Variants in PIEZO2 observed in about 807,000 individuals in gnomAD.
The protein encoded by PIEZO2 is piezo-type mechanosensitive ion channel component 2.
A neutral mutation model predicts 337.3 loss-of-function variants in PIEZO2; 172 were observed. That is an observed-to-expected ratio of 0.51 (90% CI 0.45 to 0.58). The LOEUF is 0.58. Among genes scored for constraint, PIEZO2 ranks in the 20% least tolerant of loss-of-function variants. The pLI, the probability that PIEZO2 is intolerant of heterozygous loss-of-function variation, is 0.00. For missense variants in PIEZO2, 3,028 were observed against 3,391.3 expected (o/e 0.89, Z 2.66); for synonymous variants, 1,251 against 1,228.5 (o/e 1.02, Z -0.38).
Position 10,725,088 on chromosome 18 carries a change from G to C in PIEZO2, c.5029+6319C>G. ...ACCGTGAGGGAGACAAGTTCTTTCA[G>C]TCGCATTACACCTACAATCCACAGT... On this transcript the variant is annotated intron_variant, in intron 36 of 55. Transcript: ENST00000674853. 2.0e-6 allele frequency: 3 copies of C among 1,506,104 alleles called. No individual in the cohort carries two copies. In the South Asian group the frequency reaches 3.4e-5, roughly 17 times the overall value. The allele number at this position is 1,506,104 out of a possible 1,614,324, so 93.3% of individuals were successfully genotyped here.
intron 54 of PIEZO2, among the ~76,000 whole-genome samples, chr18:10,674,066 A>T (rs747223400): frequency 1.3e-5 from 2 of 152,218 alleles, no homozygotes; most frequent in Non-Finnish European, 2.9e-5. Context: ...TTGACAAAAA[A>T]TGTCTATGGC....
At position 10,758,016 on chromosome 18, in the gene PIEZO2, C is replaced by G; in HGVS notation, c.3876G>C (p.Ala1292=). Residue 1292 remains alanine (A), a synonymous_variant, in exon 27 of 56, where the codon GCG becomes GCC. Coordinates refer to ENST00000674853, the MANE Select transcript of PIEZO2 (RefSeq NM_001378183.1). ...CAGGGTTATGTTGGCTGAAGGAGGC[C>G]GCATCAAGGTTCATGCAGATCTCGA... is the stretch of plus-strand genomic sequence containing the variant. ...DNVEICMNLD[A]ASFSQHNPVP... is the part of the protein sequence containing the mutation. 1 of 1,536,918 alleles carries G rather than the reference C, an allele frequency of 6.5e-7. No individual in the cohort carries two copies. The highest frequency in any genetic ancestry group is 8.7e-7 in the Non-Finnish European group (1 of 1,146,706).
At chr18:10,873,424 G>A (rs138163317) in intron 4 of PIEZO2, among the ~76,000 whole-genome samples, 193 of 152,174 alleles carry the variant, frequency 1.3e-3, no homozygotes, top group African/African-American at 4.3e-3. Context: ...GCTTTCAACC[G>A]CTTTCCCATG....
intron 1 of PIEZO2, among the ~76,000 whole-genome samples, chr18:11,088,256 A>G (rs2038969142): frequency 6.6e-6 from 1 of 152,242 alleles, no homozygotes; most frequent in African/African-American, 2.4e-5. Context: ...ACCAAGTCTC[A>G]GTAAGCAGAG....
chr18:11,030,038 G>T (rs957507860), intron 2 of PIEZO2, among the ~76,000 whole-genome samples: 1 of 152,088 alleles, frequency 6.6e-6, no homozygotes, highest in Admixed American at 6.5e-5. Flanking sequence ...AGTAATATAA[G>T]AAGGCAGTAC....
chr18:10,782,567 T>A (rs978553090), intron 17 of PIEZO2, among the ~76,000 whole-genome samples: 2 of 142,736 alleles, frequency 1.4e-5, no homozygotes, highest in African/African-American at 5.3e-5. Flanking sequence ...AAAAATGAAA[T>A]CCTATGTCCT....
At chr18:11,055,454 G>A (rs1255823138) in intron 2 of PIEZO2, among the ~76,000 whole-genome samples, 1 of 152,140 alleles carries the variant, frequency 6.6e-6, no homozygotes, top group African/African-American at 2.4e-5. Flanking sequence ...TTAAGGGGGT[G>A]AGGGAAGAGG....
chr18:10,832,732 G>T (rs925376053), intron 7 of PIEZO2, among the ~76,000 whole-genome samples: 1 of 152,150 alleles, frequency 6.6e-6, no homozygotes, highest in Non-Finnish European at 1.5e-5. Context: ...GGCTCCACCC[G>T]CCCAGGATTA....
intron 20 of PIEZO2, among the ~76,000 whole-genome samples, chr18:10,772,320 C>T (rs928987293): frequency 1.3e-5 from 2 of 152,174 alleles, no homozygotes; most frequent in Non-Finnish European, 2.9e-5. Context: ...AGACGTGTAG[C>T]TGCCACAGAC....
chr18:10,983,133 A>G (rs2034734149), intron 2 of PIEZO2, among the ~76,000 whole-genome samples: 1 of 152,214 alleles, frequency 6.6e-6, no homozygotes. Flanking sequence ...TATTAACTTG[A>G]TAAATGTCAA....
Position 10,856,814 on chromosome 18 carries a change from C to G in PIEZO2, c.703+187G>C, listed in dbSNP as rs2041717421. 1.3e-5 allele frequency among the ~76,000 whole-genome samples: 2 copies of G among 151,588 alleles called. No individual in the cohort carries two copies. Among genetic ancestry groups the G allele is most frequent in the Admixed American group, 1.3e-4 (2 of 15,202 alleles). On this transcript the variant is annotated intron_variant, in intron 6 of 55. Transcript: ENST00000674853. The surrounding 1 kb of genome is among the most constrained non-coding windows in gnomAD (Gnocchi z 4.7). ...CAGAAACCATCTAAAAACATCAAAA[C>G]TAGAACTAACCCGGAAAAATTATTT...
rs150621251 is a variant in PIEZO2 at position 10,757,337 on chromosome 18, T to C, written c.3923+632A>G. 5.6e-5 allele frequency among the ~76,000 whole-genome samples: 7 copies of C among 125,374 alleles called. No individual in the cohort carries two copies. In the East Asian group the frequency reaches 1.7e-3, roughly 30 times the overall value. 82.3% of individuals were successfully genotyped at this position (125,374 alleles called of 152,430 possible). A position where few individuals can be genotyped will look rare whatever the true frequency, so the allele number is the denominator to read the frequency against. On this transcript the variant is annotated intron_variant, in intron 27 of 55. Transcript: ENST00000674853. ...AAGGATGAGTGGGAGGGATGGAGGA[T>C]GAGAAGAGGAATGGAGGGTGATGAG...
intron 5 of PIEZO2, among the ~76,000 whole-genome samples, chr18:10,857,790 G>A (rs1262781852): frequency 1.3e-5 from 2 of 152,106 alleles, no homozygotes; most frequent in African/African-American, 4.8e-5. Flanking sequence ...TTCAAGCCTC[G>A]GCAGCTCAGC....
chr18:10,996,990 TA>T (rs1397366251), intron 2 of PIEZO2, among the ~76,000 whole-genome samples: 5 of 152,170 alleles, frequency 3.3e-5, no homozygotes, highest in African/African-American at 4.8e-5. Flanking sequence ...AATTATCATC[TA>T]ATTTGTTATA....
At chr18:11,079,190 C>T (rs916822230) in intron 1 of PIEZO2, among the ~76,000 whole-genome samples, 1 of 152,170 alleles carries the variant, frequency 6.6e-6, no homozygotes, top group Non-Finnish European at 1.5e-5. Context: ...CCCATCGTTC[C>T]ACCATATATT....
At chr18:10,921,278 A>ACAGACTTCT (rs1312244074) in intron 3 of PIEZO2, among the ~76,000 whole-genome samples, 2 of 152,108 alleles carry the variant, frequency 1.3e-5, no homozygotes, top group Non-Finnish European at 2.9e-5. Flanking sequence ...GACAATGAGG[A>ACAGACTTCT]CAGACTTCTC....
intron 2 of PIEZO2, among the ~76,000 whole-genome samples, chr18:11,024,189 A>G (rs893819500): frequency 1.3e-5 from 2 of 152,236 alleles, no homozygotes; most frequent in African/African-American, 4.8e-5. Flanking sequence ...GCACACTGTC[A>G]CCTCTCACTA....
chr18:10,813,841 C>T lies in PIEZO2; in HGVS notation c.918-6567G>A, dbSNP rs1469744460. Among the ~76,000 whole-genome samples, 1 of 152,168 alleles carries T rather than the reference C, an allele frequency of 6.6e-6. No individual in the cohort carries two copies. The highest frequency in any genetic ancestry group is 6.5e-5 in the Admixed American group (1 of 15,284). On this transcript the variant is annotated intron_variant, in intron 7 of 55. Coordinates refer to ENST00000674853, the MANE Select transcript of PIEZO2 (RefSeq NM_001378183.1). The surrounding 1 kb of genome is among the most constrained non-coding windows in gnomAD (Gnocchi z 4.2). ...GAGGAACTGGTATACTGTTTTCCAT[C>T]AGTGCTGCCCGATTTTACATTCCCA...
chr18:10,763,815 C>A (rs2865130), intron 21 of PIEZO2, among the ~76,000 whole-genome samples: 118,708 of 152,098 alleles, frequency 0.78, 46,416 homozygotes, highest in East Asian at 0.88. Flanking sequence ...ACTCACGTGC[C>A]GCGGCAATAG....
Sources: allele counts gnomAD v4.1 joint callset (sites outside exome capture counted in the v4.1 genomes callset), GRCh38; gene constraint gnomAD v4.1.1; non-coding constraint Gnocchi (gnomAD v3.1); transcripts MANE v1.5; gene names NCBI Gene and HGNC (gene_info 2026-07-23, HGNC 2026-07-21).